Variants in BEND7 observed in about 807,000 individuals in gnomAD.
The protein encoded by BEND7 is BEN domain-containing protein 7.
Under a neutral mutation model 50.9 loss-of-function variants are expected in BEND7, and 28 were observed. The observed-to-expected ratio is 0.55, with a 90% CI of 0.41 to 0.75. The LOEUF (loss-of-function observed/expected upper bound fraction) is 0.75. BEND7 is among the 30% of genes least tolerant of loss of function. The pLI is 0.00. For missense variants in BEND7, 477 were observed against 491.3 expected, an observed-to-expected ratio of 0.97 and a Z score of 0.28; for synonymous variants, 170 against 183.9, an observed-to-expected ratio of 0.92 and a Z score of 0.61.
rs11258386 is a variant in BEND7 at position 13,441,437 on chromosome 10, C to A, written c.*306G>T. On this transcript the variant is annotated 3_prime_UTR_variant, in exon 9 of 9. Coordinates refer to ENST00000466271, the MANE Select transcript of BEND7 (RefSeq NM_001369863.1). The stretch of plus-strand genomic sequence containing the variant: ...GATACGTATTTCCAGTGTGTAGATC[C>A]GTTCATCGCACACATCTTTGGGTTG... 44 of 1,049,916 alleles carry A rather than the reference C, an allele frequency of 4.2e-5. No individual in the cohort carries two copies. The highest frequency in any genetic ancestry group is 1.6e-4 in the East Asian group (3 of 18,902). 65.0% of individuals were successfully genotyped at this position (1,049,916 alleles called of 1,614,324 possible).
chr10:13,471,521 G>C (rs1376353946), intron 6 of BEND7, among the ~76,000 whole-genome samples: 2 of 152,242 alleles, frequency 1.3e-5, no homozygotes, highest in East Asian at 3.8e-4. Context: ...AAAATGAAAT[G>C]GTATTTGTTT....
intron 2 of BEND7, among the ~76,000 whole-genome samples, chr10:13,514,689 G>A (rs147765268): frequency 1.2e-4 from 18 of 152,254 alleles, no homozygotes; most frequent in African/African-American, 4.3e-4. Context: ...GTAGAGAAAC[G>A]CTAAAGCTAA....
intron 6 of BEND7, among the ~76,000 whole-genome samples, chr10:13,473,019 C>T (rs1418311651): frequency 3.9e-5 from 6 of 152,000 alleles, no homozygotes; most frequent in Admixed American, 6.5e-5. Flanking sequence ...CACTCAGGGC[C>T]GATATCTGTC....
downstream of BEND7, among the ~76,000 whole-genome samples, chr10:13,440,718 G>A (rs536676292): frequency 1.2e-3 from 183 of 152,306 alleles, 1 homozygote; most frequent in South Asian, 0.011. Context: ...CATCGGAGAA[G>A]ATTGATTTGT....
chr10:13,513,099 A>C (rs1184014707), intron 2 of BEND7, among the ~76,000 whole-genome samples: 1 of 152,146 alleles, frequency 6.6e-6, no homozygotes, highest in Non-Finnish European at 1.5e-5. Flanking sequence ...GTGTACTTTG[A>C]TGTTTTCTAT....
chr10:13,510,117 G>T (rs1221479368), intron 2 of BEND7, among the ~76,000 whole-genome samples: 4 of 152,114 alleles, frequency 2.6e-5, no homozygotes, highest in African/African-American at 9.7e-5. Flanking sequence ...CATGGAAAAG[G>T]TCTTATAAAT....
chr10:13,523,721 T>C (rs1274469919), intron 2 of BEND7, among the ~76,000 whole-genome samples: 2 of 152,244 alleles, frequency 1.3e-5, no homozygotes, highest in African/African-American at 2.4e-5. Flanking sequence ...TATAAAACTA[T>C]AAACTATAAC....
At position 13,481,095 on chromosome 10, in the gene BEND7, G is replaced by C; in HGVS notation, c.867C>G (p.Asp289Glu). ...DPEVQLAEGF[D>E]VFMPKSQLDS... ...CCAGCTGAGATTTAGGCATAAACAC[G>C]TCAAAGCCTTCAGCAAGTTGTACTT... Residue 289 changes from aspartate to glutamate, a missense_variant, in exon 6 of 9, where the codon GAC (aspartate) becomes GAG (glutamate). This residue lies in a region of BEND7 where 396 missense variants were observed against 384.2 expected (regional missense o/e 1.03). Coordinates refer to ENST00000466271, the MANE Select transcript of BEND7 (RefSeq NM_001369863.1). 1 of 1,613,998 alleles carries C rather than the reference G, an allele frequency of 6.2e-7. No homozygotes were observed. The highest frequency in any genetic ancestry group is 8.5e-7 in the Non-Finnish European group (1 of 1,179,972).
intron 6 of BEND7, among the ~76,000 whole-genome samples, chr10:13,457,249 A>C (rs969267545): frequency 6.6e-6 from 1 of 152,232 alleles, no homozygotes; most frequent in Non-Finnish European, 1.5e-5. Flanking sequence ...GTGTGCGGAC[A>C]AGCCAGTTTA....
At chr10:13,439,195 G>A (rs1416946038), downstream of BEND7, 1 of 1,613,616 alleles carries the variant, frequency 6.2e-7, no homozygotes, top group Admixed American at 1.7e-5. Flanking sequence ...CAAGAGATGT[G>A]AAGGGTAAGA....
intron 8 of BEND7, chr10:13,444,973 C>A (rs1409886624): frequency 1.3e-5 from 2 of 152,058 alleles, no homozygotes; most frequent in African/African-American, 4.8e-5. Context: ...CGCCACCATG[C>A]CTGGCTAATT....
intron 8 of BEND7, chr10:13,446,042 C>T (rs745815523): frequency 4.6e-5 from 7 of 152,172 alleles, no homozygotes; most frequent in African/African-American, 9.7e-5. Context: ...ACAGAGATCA[C>T]GTATTTCAAT....
intron 8 of BEND7, chr10:13,442,134 CG>C (rs1180620459): frequency 5.6e-5 from 11 of 197,860 alleles, no homozygotes; most frequent in Non-Finnish European, 9.2e-5. Flanking sequence ...GCCCCAGCCA[CG>C]GAGGGGTTAA....
chr10:13,456,583 G>C (rs1450274135), intron 6 of BEND7, among the ~76,000 whole-genome samples: 1 of 152,188 alleles, frequency 6.6e-6, no homozygotes. Context: ...GTTGCCCAAT[G>C]TATGATATGG....
chr10:13,498,217 A>G lies in BEND7; in HGVS notation c.449-1329T>C, dbSNP rs149850650. On this transcript the variant is annotated intron_variant, in intron 3 of 8. Transcript: ENST00000466271. ...CAGCCCCCCAAGTAGCTGGGACTAC[A>G]TGCATGCGCTACCACGCCCGGCTAA... Among the ~76,000 whole-genome samples the G allele has an allele frequency of 3.3e-5, 5 of 151,932 alleles. No individual in the cohort carries two copies. The South Asian group carries it at 8.3e-4, about 25-fold the overall frequency.
intron 1 of BEND7, among the ~76,000 whole-genome samples, chr10:13,527,032 T>C (rs1042696702): frequency 6.6e-6 from 1 of 152,204 alleles, no homozygotes; most frequent in African/African-American, 2.4e-5. Flanking sequence ...CTAGTCCCCT[T>C]TCTCTGGCCT....
rs144458279 is a variant in BEND7, at chr10:13,496,332, A to G, written c.571+434T>C. On this transcript the variant is annotated intron_variant, in intron 4 of 8. Transcript: ENST00000466271. ...GTCACATAAACAAAGACGACAGAAC[A>G]CGGCGGATTTCTGAGCTTCCGCATC... is the stretch of plus-strand genomic sequence containing the variant. Among the ~76,000 whole-genome samples, 106 of 152,346 alleles carry G rather than the reference A, an allele frequency of 7.0e-4. No individual in the cohort carries two copies. The East Asian group carries it at 0.02, about 29-fold the overall frequency.
downstream of BEND7, among the ~76,000 whole-genome samples, chr10:13,439,906 C>T (rs1028579121): frequency 1.3e-5 from 2 of 152,248 alleles, no homozygotes; most frequent in African/African-American, 4.8e-5. Context: ...CAGGACTTGG[C>T]CCCGCCTCCC....
At chr10:13,510,895 G>T (rs567463702) in intron 2 of BEND7, among the ~76,000 whole-genome samples, 1 of 152,112 alleles carries the variant, frequency 6.6e-6, no homozygotes, top group East Asian at 1.9e-4. Context: ...AACTAGTCAA[G>T]GGCCGGGCAC....
Sources: allele counts gnomAD v4.1 joint callset (sites outside exome capture counted in the v4.1 genomes callset), GRCh38; gene constraint gnomAD v4.1.1; regional missense constraint gnomAD v4.1.1; transcripts MANE v1.5; gene names NCBI Gene and HGNC (gene_info 2026-07-23, HGNC 2026-07-21).